The following REDIC1 variants were observed in gnomAD, a reference collection of about 807,000 sequenced individuals.
The protein encoded by REDIC1 is regulator of DNA class I crossover intermediates 1.
chr12:39,690,718 T>C, the REDIC1 span, among the ~76,000 whole-genome samples: 1 of 151,998 alleles, frequency 6.6e-6, no homozygotes, highest in Non-Finnish European at 1.5e-5. Context: ...AAAACATATA[T>C]ACTATTGGAG....
the REDIC1 span, among the ~76,000 whole-genome samples, chr12:39,657,671 A>G: frequency 6.6e-6 from 1 of 152,168 alleles, no homozygotes; most frequent in African/African-American, 2.4e-5. Context: ...ACATAAAGTT[A>G]TTCATAACTT....
At chr12:39,739,149 AGAT>A in the REDIC1 span, among the ~76,000 whole-genome samples, 1 of 152,180 alleles carries the variant, frequency 6.6e-6, no homozygotes, top group African/African-American at 2.4e-5. Flanking sequence ...CTGACTTTAT[AGAT>A]AAGATCATGG....
the REDIC1 span, among the ~76,000 whole-genome samples, chr12:39,862,263 A>T: frequency 6.6e-6 from 1 of 152,234 alleles, no homozygotes; most frequent in African/African-American, 2.4e-5. Context: ...AGGGAGCTCT[A>T]ACCTACAATA....
chr12:39,668,996 G>A, the REDIC1 span, among the ~76,000 whole-genome samples: 14 of 151,896 alleles, frequency 9.2e-5, no homozygotes, highest in South Asian at 2.1e-4. Flanking sequence ...CCATGGGTTC[G>A]AACTTCCTCC....
chr12:39,898,399 TC>T, the REDIC1 span, among the ~76,000 whole-genome samples: 2 of 152,058 alleles, frequency 1.3e-5, no homozygotes, highest in Non-Finnish European at 2.9e-5. Flanking sequence ...TGCTAGAAAA[TC>T]CTTGATTTAC....
At chr12:39,801,363 A>C in the REDIC1 span, among the ~76,000 whole-genome samples, 2 of 144,424 alleles carry the variant, frequency 1.4e-5, no homozygotes, top group African/African-American at 2.5e-5. Flanking sequence ...AAAAAAAAGA[A>C]AGAACTGAAG....
chr12:39,799,949 C>A, the REDIC1 span, among the ~76,000 whole-genome samples: 1 of 152,146 alleles, frequency 6.6e-6, no homozygotes, highest in Non-Finnish European at 1.5e-5. Context: ...AAGTGTTCCC[C>A]ATGTGCAGTG....
At chr12:39,681,088 A>G in the REDIC1 span, among the ~76,000 whole-genome samples, 114 of 152,274 alleles carry the variant, frequency 7.5e-4, no homozygotes, top group Non-Finnish European at 1.5e-3. Flanking sequence ...CCTGGCCAAC[A>G]TGGTGAAACC....
the REDIC1 span, among the ~76,000 whole-genome samples, chr12:39,696,399 C>T: frequency 0.058 from 8,633 of 149,972 alleles, 242 homozygotes; most frequent in Non-Finnish European, 0.065. Flanking sequence ...AAAAATTAGC[C>T]GGGCGTAGTG....
the REDIC1 span, among the ~76,000 whole-genome samples, chr12:39,701,852 C>T: frequency 5.3e-5 from 8 of 151,852 alleles, no homozygotes; most frequent in South Asian, 4.2e-4. Context: ...GGGTACATAA[C>T]GAAATGAAGG....
the REDIC1 span, among the ~76,000 whole-genome samples, chr12:39,855,087 C>T: frequency 6.6e-6 from 1 of 152,174 alleles, no homozygotes; most frequent in Admixed American, 6.5e-5. Context: ...ATTTTCATAT[C>T]CCATTAAGGT....
chr12:39,643,822 TG>T, the REDIC1 span: 2 of 1,557,270 alleles, frequency 1.3e-6, no homozygotes, highest in Non-Finnish European at 1.8e-6. Flanking sequence ...ATGAAATCAC[TG>T]GGAGTTTTAT....
chr12:39,803,220 A>AAC, the REDIC1 span, among the ~76,000 whole-genome samples: 4 of 152,066 alleles, frequency 2.6e-5, no homozygotes, highest in Non-Finnish European at 5.9e-5. Flanking sequence ...AAAAAAAAAA[A>AAC]AACTTTCTAG....
the REDIC1 span, among the ~76,000 whole-genome samples, chr12:39,703,051 C>G: frequency 5.9e-5 from 9 of 152,306 alleles, no homozygotes; most frequent in East Asian, 1.5e-3. Context: ...TCTCACCACT[C>G]CTATTCAACA....
the REDIC1 span, among the ~76,000 whole-genome samples, chr12:39,792,913 T>G: frequency 2.0e-5 from 3 of 152,188 alleles, no homozygotes; most frequent in South Asian, 6.2e-4. Context: ...TTCTACTTTC[T>G]CTATGGTATC....
At chr12:39,646,124 G>A in the REDIC1 span, among the ~76,000 whole-genome samples, 2 of 151,898 alleles carry the variant, frequency 1.3e-5, no homozygotes, top group African/African-American at 2.4e-5. Context: ...CAGCTATAAT[G>A]AGGAATATAT....
chr12:39,703,480 A>G, the REDIC1 span, among the ~76,000 whole-genome samples: 2 of 151,330 alleles, frequency 1.3e-5, no homozygotes, highest in South Asian at 4.2e-4. Flanking sequence ...GGGTAGGAAG[A>G]ATCAATATCG....
At chr12:39,860,531 A>C in the REDIC1 span, among the ~76,000 whole-genome samples, 2 of 152,154 alleles carry the variant, frequency 1.3e-5, no homozygotes, top group African/African-American at 4.8e-5. Flanking sequence ...CCAAATACCT[A>C]TTCAATATCC....
chr12:39,889,608 C>T, the REDIC1 span, among the ~76,000 whole-genome samples: 1 of 148,652 alleles, frequency 6.7e-6, no homozygotes, highest in East Asian at 2.0e-4. Flanking sequence ...TCTTGGCACA[C>T]CACAACCTCT....
Sources: allele counts gnomAD v4.1 joint callset (sites outside exome capture counted in the v4.1 genomes callset), GRCh38; gene constraint gnomAD v4.1.1; transcripts MANE v1.5; gene names NCBI Gene and HGNC (gene_info 2026-07-23, HGNC 2026-07-21).